A1CF: variants seen among roughly 807,000 people sequenced by gnomAD.
A1CF encodes APOBEC1 complementation factor.
In A1CF, 48 loss-of-function variants were observed where a neutral mutation model predicts 68.9. The ratio of observed to expected loss-of-function variants is 0.70; its 90% CI spans 0.55 to 0.89. The LOEUF is 0.89. Ranked by LOEUF, A1CF falls within the 40% of genes least tolerant of loss-of-function variation. The pLI is 0.00. For synonymous variants in A1CF, 272 were observed against 260.4 expected, an observed-to-expected ratio of 1.04 and a Z score of -0.43; for missense variants, 653 against 718.9, an observed-to-expected ratio of 0.91 and a Z score of 1.05.
Position 50,844,015 on chromosome 10 carries a change from C to T in A1CF, c.207G>A (p.Glu69=), listed in dbSNP as rs952822363. The T allele has an allele frequency of 2.5e-6, 4 of 1,613,544 alleles. No homozygotes were observed. Among genetic ancestry groups the T allele is most frequent in the African/African-American group, 2.7e-5 (2 of 74,842 alleles). Residue 69 remains glutamate (E), a synonymous_variant, in exon 4 of 13, where the codon GAG becomes GAA. Coordinates refer to ENST00000373997, the MANE Select transcript of A1CF (RefSeq NM_014576.4). ...TTTCACATAATGGTATAAGCTCATC[C>T]TCAAAAAGGTCTCGGGGAAGTTTTC... ...FIGKLPRDLF[E]DELIPLCEKI...
chr10:50,856,007 G>A (rs1423818169), intron 3 of A1CF, among the ~76,000 whole-genome samples: 4 of 151,916 alleles, frequency 2.6e-5, no homozygotes, highest in Non-Finnish European at 2.9e-5. Context: ...GAGTAGGAAG[G>A]CTGAAGTATT....
At chr10:50,860,234 A>G (rs567982612) in intron 2 of A1CF, among the ~76,000 whole-genome samples, 33 of 152,348 alleles carry the variant, frequency 2.2e-4, no homozygotes, top group African/African-American at 7.7e-4. Context: ...TATAATGCAG[A>G]TTAGTAATTC....
intron 3 of A1CF, among the ~76,000 whole-genome samples, chr10:50,850,354 C>A (rs1397502021): frequency 6.6e-6 from 1 of 152,116 alleles, no homozygotes; most frequent in African/African-American, 2.4e-5. Context: ...TTAATAATTT[C>A]CCTTTATGTT....
At chr10:50,862,113 C>T (rs889990507) in intron 2 of A1CF, among the ~76,000 whole-genome samples, 1 of 151,914 alleles carries the variant, frequency 6.6e-6, no homozygotes, top group East Asian at 1.9e-4. Context: ...GGCCTGTAAT[C>T]CCAGCACTTT....
chr10:50,823,607 C>T (rs1406995275), intron 7 of A1CF: 2 of 152,094 alleles, frequency 1.3e-5, no homozygotes, highest in Admixed American at 6.6e-5. Flanking sequence ...TTGAACCCAC[C>T]CATGATGGGC....
rs1837641814 is a variant in A1CF, at chr10:50,802,572, C to A, written c.*4157G>T. The stretch of plus-strand genomic sequence containing the variant: ...CTAGTCTAATTTTTAGATATATTTT[C>A]TTCCCCCTGGGAACTTTTATATGAA... On this transcript the variant is annotated 3_prime_UTR_variant, in exon 13 of 13. Transcript: ENST00000373997. 1 of 152,138 alleles carries A rather than the reference C, an allele frequency of 6.6e-6. No homozygotes were observed. 9.4% of individuals were successfully genotyped at this position (152,138 alleles called of 1,614,324 possible). A position where few individuals can be genotyped will look rare whatever the true frequency, so the allele number is the denominator to read the frequency against.
At chr10:50,824,710 G>A (rs750435194) in intron 7 of A1CF, among the ~76,000 whole-genome samples, 1 of 152,144 alleles carries the variant, frequency 6.6e-6, no homozygotes, top group Non-Finnish European at 1.5e-5. Flanking sequence ...ATAAGGAGGC[G>A]GCATGAGAGT....
intron 1 of A1CF, among the ~76,000 whole-genome samples, chr10:50,881,280 C>T (rs144355162): frequency 2.0e-5 from 3 of 152,288 alleles, no homozygotes; most frequent in East Asian, 3.9e-4. Context: ...TGAGCCACTG[C>T]GCCCGGCCTC....
chr10:50,850,797 C>A, intron 3 of A1CF: 1 of 1,609,594 alleles, frequency 6.2e-7, no homozygotes, highest in Non-Finnish European at 8.5e-7. Context: ...TCTATAGGAA[C>A]CTCTAAATTC....
rs1837617790 is a variant in A1CF at position 50,801,980 on chromosome 10, T to C, written c.*4749A>G. 6.6e-6 allele frequency: 1 copy of C among 152,198 alleles called. No individual in the cohort carries two copies. The highest frequency in any genetic ancestry group is 1.5e-5 in the Non-Finnish European group (1 of 68,026). 9.4% of individuals were successfully genotyped at this position (152,198 alleles called of 1,614,324 possible). A position where few individuals can be genotyped will look rare whatever the true frequency, so the allele number is the denominator to read the frequency against. On this transcript the variant is annotated 3_prime_UTR_variant, in exon 13 of 13. Coordinates refer to ENST00000373997, the MANE Select transcript of A1CF (RefSeq NM_014576.4). The stretch of plus-strand genomic sequence containing the variant: ...TGCTATCTATATTAAACCTATGCAT[T>C]CTATTTTCTGTATAAACATTGTTGG...
In A1CF at chr10:50,806,100, C is replaced by T. The variant is rs1186497508; in HGVS notation, c.*629G>A. On this transcript the variant is annotated 3_prime_UTR_variant, in exon 13 of 13. Coordinates refer to ENST00000373997, the MANE Select transcript of A1CF (RefSeq NM_014576.4). The stretch of plus-strand genomic sequence containing the variant: ...TATCATATCTATTTCTAGGAAGTCC[C>T]CATGGGCTGCAGGGGACAGGAAGAT... The T allele has an allele frequency of 1.3e-5, 2 of 152,202 alleles. No individual in the cohort carries two copies. Among genetic ancestry groups the T allele is most frequent in the African/African-American group, 4.8e-5 (2 of 41,540 alleles). 9.4% of individuals were successfully genotyped at this position (152,202 alleles called of 1,614,324 possible).
chr10:50,842,482 G>A (rs558742281), intron 4 of A1CF, among the ~76,000 whole-genome samples: 3 of 152,278 alleles, frequency 2.0e-5, no homozygotes, highest in East Asian at 1.9e-4. Context: ...GTGGTGGCAC[G>A]TGCTTGTAGT....
rs1158159562 is a variant in A1CF, at chr10:50,850,825, G to A, written c.100-6703C>T. The stretch of plus-strand genomic sequence containing the variant: ...CTAAATTCCTTTCAAGAAGTAATTA[G>A]GTGACAGCTTTAGTCATTCCTTAAT... On this transcript the variant is annotated intron_variant, in intron 3 of 12. Transcript: ENST00000373997. 6.2e-6 allele frequency: 10 copies of A among 1,601,704 alleles called. No homozygotes were observed. The African/African-American group carries it at 6.7e-5, about 11-fold the overall frequency.
chr10:50,877,028 A>G lies in A1CF; in HGVS notation c.-94+8553T>C, dbSNP rs192192602. 2.3e-3 allele frequency among the ~76,000 whole-genome samples: 350 copies of G among 152,308 alleles called. 1 individual carries two copies. The highest frequency in any genetic ancestry group is 3.5e-3 in the Non-Finnish European group (239 of 68,034). On this transcript the variant is annotated intron_variant, in intron 1 of 12. Coordinates refer to ENST00000373997, the MANE Select transcript of A1CF (RefSeq NM_014576.4). ...ACTGTTGTGCTATCTTTATTCAATT[A>G]TGATACTCAACTATTCCCAAAATGC...
At chr10:50,839,900 G>T (rs895367132) in intron 5 of A1CF, among the ~76,000 whole-genome samples, 3 of 151,988 alleles carry the variant, frequency 2.0e-5, no homozygotes, top group Non-Finnish European at 4.4e-5. Context: ...GCGCCACCAC[G>T]CCCTGCTAAT....
chr10:50,855,820 C>A (rs1289753837), intron 3 of A1CF, among the ~76,000 whole-genome samples: 1 of 151,934 alleles, frequency 6.6e-6, no homozygotes, highest in African/African-American at 2.4e-5. Flanking sequence ...ATCCTTCAAA[C>A]CCTAATCTAT....
chr10:50,868,652 TAAAG>T (rs1411702801), intron 1 of A1CF, among the ~76,000 whole-genome samples: 1 of 152,116 alleles, frequency 6.6e-6, no homozygotes, highest in African/African-American at 2.4e-5. Flanking sequence ...AGGCTTAAAT[TAAAG>T]AAAGAAAAGA....
chr10:50,879,732 A>G (rs1037643326), intron 1 of A1CF, among the ~76,000 whole-genome samples: 17 of 152,182 alleles, frequency 1.1e-4, no homozygotes, highest in African/African-American at 3.9e-4. Flanking sequence ...TTCTCACCAG[A>G]TTCTTTCCTT....
chr10:50,868,588 G>T (rs750230344), intron 1 of A1CF, among the ~76,000 whole-genome samples: 13 of 151,984 alleles, frequency 8.6e-5, no homozygotes, highest in Non-Finnish European at 4.4e-5. Context: ...TGTTTTTCAG[G>T]CATTAGCAAA....
Sources: allele counts gnomAD v4.1 joint callset (sites outside exome capture counted in the v4.1 genomes callset), GRCh38; gene constraint gnomAD v4.1.1; transcripts MANE v1.5; gene names NCBI Gene and HGNC (gene_info 2026-07-23, HGNC 2026-07-21).